Variants in SNRPA1 observed in about 807,000 individuals in gnomAD.
SNRPA1 encodes the protein small nuclear ribonucleoprotein polypeptide A'.
A neutral mutation model predicts 32.3 loss-of-function variants in SNRPA1; 5 were observed. That is an observed-to-expected ratio of 0.15 (90% CI 0.08 to 0.33). The LOEUF (loss-of-function observed/expected upper bound fraction) is 0.33. Among genes scored for constraint, SNRPA1 ranks in the 10% least tolerant of loss-of-function variants. The pLI is 1.00. For missense variants in SNRPA1, 198 were observed against 311.1 expected (o/e 0.64, Z 2.74); for synonymous variants, 111 against 120.1 (o/e 0.92, Z 0.50).
chr15:101,294,995 GC>G (rs2039571999), intron 1 of SNRPA1, 101 bp downstream of exon 1: 2 of 718,462 alleles, frequency 2.8e-6, no homozygotes, highest in Non-Finnish European at 4.2e-6. Context: ...CAGACAACCG[GC>G]CCGCGGGCCA....
intron 3 of SNRPA1, 176 bp from the exon 4 acceptor site, chr15:101,287,878 AC>A: frequency 1.7e-6 from 1 of 574,528 alleles, no homozygotes; most frequent in Admixed American, 3.0e-5. Flanking sequence ...ACCGATGAAT[AC>A]ATGGGAGCTT....
intron 7 of SNRPA1, among the ~76,000 whole-genome samples, chr15:101,285,381 G>A (rs2039443496): frequency 6.6e-6 from 1 of 152,138 alleles, no homozygotes; most frequent in Admixed American, 6.5e-5. Flanking sequence ...TAAAACGAGG[G>A]TCCCTACTGA....
chr15:101,291,451 C>A (rs917380440), intron 3 of SNRPA1, among the ~76,000 whole-genome samples: 1 of 151,780 alleles, frequency 6.6e-6, no homozygotes, highest in East Asian at 1.9e-4. Flanking sequence ...TAATAATATG[C>A]CATTTAACTT....
At chr15:101,292,683 A>G (rs1214916660) in intron 2 of SNRPA1, among the ~76,000 whole-genome samples, 1 of 152,182 alleles carries the variant, frequency 6.6e-6, no homozygotes, top group Non-Finnish European at 1.5e-5. Flanking sequence ...TTGTTTTAGA[A>G]GCCAAAATGT....
intron 6 of SNRPA1, 144 bp downstream of exon 6, chr15:101,286,070 T>C (rs2039451126): frequency 1.1e-5 from 8 of 696,504 alleles, no homozygotes; most frequent in South Asian, 9.4e-5. Context: ...GGACCATTGA[T>C]GTACATGGAC....
chr15:101,292,181 G>T, intron 2 of SNRPA1, 141 bp from the exon 3 acceptor site: 3 of 626,358 alleles, frequency 4.8e-6, no homozygotes, highest in Non-Finnish European at 5.5e-6. Flanking sequence ...AAAGCAAAAA[G>T]AACCCTTTTC....
chr15:101,295,161 C>A lies in SNRPA1; in HGVS notation c.18G>T (p.Ala6=). MVKLT[A]ELIEQAAQYT... ...ACTGCGCCGCCTGCTCGATCAGCTC[C>A]GCCGTCAGCTTGACCATCCTGCAGC... Residue 6 remains alanine (A), a synonymous_variant, in exon 1 of 9, where the codon GCG becomes GCT. Transcript: ENST00000254193. 1.3e-6 allele frequency: 2 copies of A among 1,556,538 alleles called. No individual in the cohort carries two copies. Among genetic ancestry groups the A allele is most frequent in the Non-Finnish European group, 1.7e-6 (2 of 1,155,646 alleles).
At chr15:101,283,362 CAT>C (rs944804746) in intron 8 of SNRPA1, among the ~76,000 whole-genome samples, 2 of 150,028 alleles carry the variant, frequency 1.3e-5, no homozygotes, top group Admixed American at 1.3e-4. Context: ...TCCTGGCTAA[CAT>C]GTGTTTTTAG....
intron 6 of SNRPA1, 26 bp from the exon 7 acceptor site, chr15:101,285,827 TTAGACC>T: frequency 6.3e-7 from 1 of 1,578,286 alleles, no homozygotes; most frequent in Non-Finnish European, 8.7e-7. Context: ...AACATAACTG[TTAGACC>T]TAGACCAACA....
intron 1 of SNRPA1, among the ~76,000 whole-genome samples, chr15:101,294,192 C>T (rs980370048): frequency 6.6e-6 from 1 of 152,220 alleles, no homozygotes; most frequent in Non-Finnish European, 1.5e-5. Flanking sequence ...GCCGAGATCA[C>T]GCCACTGCGC....
chr15:101,286,066 TTGATGTA>T, intron 6 of SNRPA1, 141 bp downstream of exon 6: 1 of 687,126 alleles, frequency 1.5e-6, no homozygotes, highest in Non-Finnish European at 2.5e-6. Context: ...GTGTGGACCA[TTGATGTA>T]CATGGACTAT....
At chr15:101,293,445 CATTT>C (rs1567127162) in intron 1 of SNRPA1, 1 of 251,944 alleles carries the variant, frequency 4.0e-6, no homozygotes, top group African/African-American at 2.2e-5. Context: ...AGGCAGCTAA[CATTT>C]ATAAGAACAT....
At chr15:101,285,703 C>T (rs375096582) in intron 7 of SNRPA1, 23 bp downstream of exon 7, 12 of 1,560,652 alleles carry the variant, frequency 7.7e-6, no homozygotes, top group Non-Finnish European at 9.7e-6. Flanking sequence ...CATTCCAGTC[C>T]AAGAATCCTA....
rs200311451 is a variant in SNRPA1 at position 101,281,670 on chromosome 15, C to T, written c.*54G>A. ...ACAAACAAGGCTATTATACCATGTT[C>T]GAAAAGCAAGACTTGTTCCAAGAGG... On this transcript the variant is annotated 3_prime_UTR_variant, in exon 9 of 9. Coordinates refer to ENST00000254193, the MANE Select transcript of SNRPA1 (RefSeq NM_003090.4). The T allele has an allele frequency of 1.4e-4, 200 of 1,382,678 alleles. 1 individual carries two copies. Among genetic ancestry groups the T allele is most frequent in the Middle Eastern group, 1.8e-4 (1 of 5,632 alleles). The allele number at this position is 1,382,678 out of a possible 1,614,324, so 85.7% of individuals were successfully genotyped here. A position where few individuals can be genotyped will look rare whatever the true frequency, so the allele number is the denominator to read the frequency against.
chr15:101,283,020 C>T (rs1408464143), intron 8 of SNRPA1, among the ~76,000 whole-genome samples: 1 of 152,104 alleles, frequency 6.6e-6, no homozygotes, highest in African/African-American at 2.4e-5. Flanking sequence ...CCCAGAATAT[C>T]AAAGAGACGT....
Position 101,291,923 on chromosome 15 carries a change from C to T in SNRPA1, c.309+39G>A, listed in dbSNP as rs140316032. 1,146 of 1,347,156 alleles carry T rather than the reference C, an allele frequency of 8.5e-4. 23 individuals are homozygous for T. In the East Asian group the frequency reaches 0.021, roughly 25 times the overall value. The allele number at this position is 1,347,156 out of a possible 1,614,324, so 83.5% of individuals were successfully genotyped here. On this transcript the variant is annotated intron_variant, in intron 3 of 8. Coordinates refer to ENST00000254193, the MANE Select transcript of SNRPA1 (RefSeq NM_003090.4). Reference sequence around the variant, plus strand: ...TGTAGGAAGCACATAGTACCTTTAACCCCACCCACCAAATACATTTTCCTT... The same window carrying T: ...TGTAGGAAGCACATAGTACCTTTAATCCCACCCACCAAATACATTTTCCTT...
At position 101,281,651 on chromosome 15, in the gene SNRPA1, A is replaced by G. The variant is rs2141303617; in HGVS notation, c.*73T>C. The G allele has an allele frequency of 1.9e-6, 2 of 1,073,202 alleles. No homozygotes were observed. Among genetic ancestry groups the G allele is most frequent in the Admixed American group, 3.5e-5 (2 of 57,174 alleles). The allele number at this position is 1,073,202 out of a possible 1,614,324, so 66.5% of individuals were successfully genotyped here. ...TAGATTCCACTTTGCTAACACAAAC[A>G]AGGCTATTATACCATGTTCGAAAAG... On this transcript the variant is annotated 3_prime_UTR_variant, in exon 9 of 9. Transcript: ENST00000254193.
intron 8 of SNRPA1, among the ~76,000 whole-genome samples, chr15:101,283,579 CAACAAA>C (rs1167666882): frequency 1.3e-5 from 2 of 151,924 alleles, no homozygotes; most frequent in Admixed American, 6.5e-5. Flanking sequence ...ACAACAACAA[CAACAAA>C]ATCAGTCTTC....
chr15:101,288,012 T>C lies in SNRPA1; in HGVS notation c.310-310A>G, dbSNP rs1234145289. 5 of 338,202 alleles carry C rather than the reference T, an allele frequency of 1.5e-5. No individual in the cohort carries two copies. In the East Asian group the frequency reaches 3.1e-4, roughly 21 times the overall value. The allele number at this position is 338,202 out of a possible 1,614,324, so 21.0% of individuals were successfully genotyped here. On this transcript the variant is annotated intron_variant, in intron 3 of 8. Coordinates refer to ENST00000254193, the MANE Select transcript of SNRPA1 (RefSeq NM_003090.4). ...GAAAAGAAAACAATGGCAAAGCTGA[T>C]GGGACTCTGGAGCAACCTATTCACA... is the stretch of plus-strand genomic sequence containing the variant.
Sources: allele counts gnomAD v4.1 joint callset (sites outside exome capture counted in the v4.1 genomes callset), GRCh38; gene constraint gnomAD v4.1.1; transcripts MANE v1.5; gene names NCBI Gene and HGNC (gene_info 2026-07-23, HGNC 2026-07-21).